Variants in FSTL4 observed in about 807,000 individuals in gnomAD.
FSTL4 encodes follistatin-related protein 4.
In FSTL4, 28 loss-of-function variants were observed where a neutral mutation model predicts 78.2. That is an observed-to-expected ratio of 0.36 (90% CI 0.27 to 0.49). FSTL4 has a LOEUF of 0.49. Ranked by LOEUF, FSTL4 falls within the 20% of genes least tolerant of loss-of-function variation. FSTL4 has a pLI of 0.98. For missense variants in FSTL4, 922 were observed against 1,084.9 expected (o/e 0.85, Z 2.11); for synonymous variants, 422 against 440.5 (o/e 0.96, Z 0.53).
At chr5:133,567,354 G>C (rs1760047839) in intron 2 of FSTL4, 135 bp from the exon 3 acceptor site, 1 of 703,316 alleles carries the variant, frequency 1.4e-6, no homozygotes, top group African/African-American at 1.8e-5. Context: ...ACTGAGCAAT[G>C]TTGGTCTACT....
chr5:133,319,956 C>T (rs1486740085), intron 4 of FSTL4, among the ~76,000 whole-genome samples: 1 of 152,216 alleles, frequency 6.6e-6, no homozygotes, highest in African/African-American at 2.4e-5. Context: ...GAAAGGCAGC[C>T]TGATGCTCAG....
At chr5:133,221,436 C>A (rs1751101292) in intron 11 of FSTL4, among the ~76,000 whole-genome samples, 1 of 143,946 alleles carries the variant, frequency 6.9e-6, no homozygotes, top group African/African-American at 2.6e-5. Context: ...GTTTCTCTGG[C>A]AGCCCGTGCC....
chr5:133,427,446 C>A, intron 3 of FSTL4: 1 of 344,974 alleles, frequency 2.9e-6, no homozygotes, highest in South Asian at 2.6e-5. Context: ...ACTGCCTTCT[C>A]CAGACCTCCC....
the FSTL4 span, among the ~76,000 whole-genome samples, chr5:133,773,528 G>A: frequency 5.9e-5 from 9 of 152,126 alleles, no homozygotes; most frequent in African/African-American, 1.9e-4. Context: ...AATTTAACAG[G>A]AGCCACATTT....
intron 4 of FSTL4, among the ~76,000 whole-genome samples, chr5:133,368,224 G>T (rs564574563): frequency 6.6e-5 from 10 of 152,236 alleles, no homozygotes; most frequent in Non-Finnish European, 1.0e-4. Context: ...CCTCTGGAAG[G>T]CCAGACACTA....
the FSTL4 span, among the ~76,000 whole-genome samples, chr5:133,618,127 GTTTAA>G: frequency 6.6e-6 from 1 of 152,120 alleles, no homozygotes; most frequent in East Asian, 1.9e-4. Context: ...ACCTATGATA[GTTTAA>G]TTTATAAATT....
chr5:133,835,492 G>A, the FSTL4 span, among the ~76,000 whole-genome samples: 1 of 152,304 alleles, frequency 6.6e-6, no homozygotes, highest in Admixed American at 6.5e-5. Flanking sequence ...AGACACCCAG[G>A]AAGCAGGGCA....
rs1036906797 is a variant in FSTL4, at chr5:133,611,515, G to A, written c.-11+810C>T. Among the ~76,000 whole-genome samples, 31 of 152,312 alleles carry A rather than the reference G, an allele frequency of 2.0e-4. No individual in the cohort carries two copies. Among genetic ancestry groups the A allele is most frequent in the African/African-American group, 7.0e-4 (29 of 41,574 alleles). The stretch of plus-strand genomic sequence containing the variant: ...AACTCAGAACTCGTCTTTGTTTTGC[G>A]GGCGCAAAGAGGGCGGAGATCATCC... On this transcript the variant is annotated intron_variant, in intron 1 of 15. Transcript: ENST00000265342. This position sits in a 1 kb window ranked among gnomAD's most constrained non-coding sequence, Gnocchi z 4.9.
chr5:133,634,331 C>T, the FSTL4 span, among the ~76,000 whole-genome samples: 1 of 151,712 alleles, frequency 6.6e-6, no homozygotes, highest in African/African-American at 2.4e-5. Context: ...AGTTTTCTGT[C>T]TTGCTAGGCT....
At chr5:133,344,298 T>C (rs1421466839) in intron 4 of FSTL4, among the ~76,000 whole-genome samples, 2 of 152,242 alleles carry the variant, frequency 1.3e-5, no homozygotes, top group African/African-American at 4.8e-5. Flanking sequence ...CTGTTACTTA[T>C]ACAGTCTAAA....
intron 1 of FSTL4, among the ~76,000 whole-genome samples, chr5:133,605,860 G>A (rs1760965740): frequency 6.6e-6 from 1 of 152,060 alleles, no homozygotes; most frequent in African/African-American, 2.4e-5. Flanking sequence ...TAATCTGAAG[G>A]TCACAGTCTC....
At chr5:133,527,251 A>C (rs1759150202) in intron 3 of FSTL4, among the ~76,000 whole-genome samples, 1 of 152,232 alleles carries the variant, frequency 6.6e-6, no homozygotes, top group African/African-American at 2.4e-5. Context: ...GGTATATTTT[A>C]GTATAATGCT....
At chr5:133,350,055 T>C (rs1022335000) in intron 4 of FSTL4, among the ~76,000 whole-genome samples, 1 of 148,936 alleles carries the variant, frequency 6.7e-6, no homozygotes, top group African/African-American at 2.5e-5. Flanking sequence ...GGATGGACTT[T>C]GTTTGTCATG....
intron 3 of FSTL4, among the ~76,000 whole-genome samples, chr5:133,528,417 CA>C (rs1361811737): frequency 6.6e-6 from 1 of 152,198 alleles, no homozygotes; most frequent in Non-Finnish European, 1.5e-5. Flanking sequence ...CACCCTGCCC[CA>C]CTGGGCCATC....
At chr5:133,209,893 G>T in intron 14 of FSTL4, 1 of 290,024 alleles carries the variant, frequency 3.4e-6, no homozygotes, top group Non-Finnish European at 6.6e-6. Flanking sequence ...GCCTCATTCT[G>T]TTGGGACCCA....
At chr5:133,294,208 T>C (rs1484334627) in intron 6 of FSTL4, among the ~76,000 whole-genome samples, 1 of 152,150 alleles carries the variant, frequency 6.6e-6, no homozygotes, top group Non-Finnish European at 1.5e-5. Context: ...TGTTTTCCCA[T>C]AGAAGAGTGG....
chr5:133,317,520 C>G (rs112589132), intron 4 of FSTL4, among the ~76,000 whole-genome samples: 1 of 152,236 alleles, frequency 6.6e-6, no homozygotes, highest in Non-Finnish European at 1.5e-5. Flanking sequence ...TCCTCACTGA[C>G]CATTCCAGGT....
intron 4 of FSTL4, among the ~76,000 whole-genome samples, chr5:133,354,046 C>G (rs1158486151): frequency 6.6e-6 from 1 of 152,204 alleles, no homozygotes; most frequent in Non-Finnish European, 1.5e-5. Flanking sequence ...GAGCTGCATC[C>G]GGTCTTAATT....
At chr5:133,737,871 G>T in the FSTL4 span, among the ~76,000 whole-genome samples, 1 of 152,182 alleles carries the variant, frequency 6.6e-6, no homozygotes, top group East Asian at 1.9e-4. Context: ...CCAAAGTGCT[G>T]GGATTACAGG....
Sources: allele counts gnomAD v4.1 joint callset (sites outside exome capture counted in the v4.1 genomes callset), GRCh38; gene constraint gnomAD v4.1.1; non-coding constraint Gnocchi (gnomAD v3.1); transcripts MANE v1.5; gene names NCBI Gene and HGNC (gene_info 2026-07-23, HGNC 2026-07-21).